The following TAFA1 variants were observed in gnomAD, a reference collection of about 807,000 sequenced individuals.
TAFA1 encodes TAFA chemokine like family member 1.
TAFA1 carries 4 observed loss-of-function variants against 18.5 expected under a neutral mutation model. That is an observed-to-expected ratio of 0.22 (90% confidence interval 0.11 to 0.49). TAFA1 has a LOEUF of 0.49. Among genes scored for constraint, TAFA1 ranks in the 20% least tolerant of loss-of-function variants. The pLI, the probability that TAFA1 is intolerant of heterozygous loss-of-function variation, is 0.98. For synonymous variants in TAFA1, 56 were observed against 55.2 expected (o/e 1.01, Z -0.06); for missense variants, 147 against 169.0 (o/e 0.87, Z 0.72).
chr3:68,066,307 A>T (rs994466688), intron 2 of TAFA1, among the ~76,000 whole-genome samples: 3 of 152,200 alleles, frequency 2.0e-5, no homozygotes, highest in Non-Finnish European at 4.4e-5. Flanking sequence ...ATGAGAGCAG[A>T]TAAGTTTATC....
chr3:68,082,813 T>C (rs1315125246), intron 2 of TAFA1, among the ~76,000 whole-genome samples: 1 of 152,202 alleles, frequency 6.6e-6, no homozygotes, highest in African/African-American at 2.4e-5. Flanking sequence ...TTTGGAGGCA[T>C]CTAAAAATGT....
At chr3:68,124,062 C>T (rs1208618314) in intron 2 of TAFA1, among the ~76,000 whole-genome samples, 1 of 151,974 alleles carries the variant, frequency 6.6e-6, no homozygotes, top group African/African-American at 2.4e-5. Context: ...ATTTTTGAAG[C>T]GTTTGCTGAT....
intron 3 of TAFA1, among the ~76,000 whole-genome samples, chr3:68,502,656 C>G (rs1012511528): frequency 1.3e-5 from 2 of 151,888 alleles, no homozygotes; most frequent in Non-Finnish European, 2.9e-5. Flanking sequence ...CCCCCTGATT[C>G]TCCCCAGCCC....
intron 2 of TAFA1, among the ~76,000 whole-genome samples, chr3:68,328,678 CTGAG>C (rs1404921493): frequency 1.3e-5 from 2 of 152,104 alleles, no homozygotes; most frequent in Non-Finnish European, 2.9e-5. Context: ...TTCTCTTTGC[CTGAG>C]TATCAACTCA....
At chr3:68,094,217 T>G (rs918263498) in intron 2 of TAFA1, among the ~76,000 whole-genome samples, 24 of 152,122 alleles carry the variant, frequency 1.6e-4, no homozygotes, top group Admixed American at 1.6e-3. Flanking sequence ...AAACTCTAAT[T>G]CCATCCATCA....
chr3:68,299,419 G>C (rs2068266699), intron 2 of TAFA1, among the ~76,000 whole-genome samples: 1 of 152,142 alleles, frequency 6.6e-6, no homozygotes, highest in East Asian at 1.9e-4. Flanking sequence ...ATGTGACTTG[G>C]GTGCTCAGTT....
intron 2 of TAFA1, among the ~76,000 whole-genome samples, chr3:68,371,545 AG>A (rs2069707039): frequency 6.6e-6 from 1 of 152,160 alleles, no homozygotes; most frequent in South Asian, 2.1e-4. Flanking sequence ...GTCTCTGCAA[AG>A]GACATGAATT....
chr3:68,423,969 C>A (rs1457415334), intron 3 of TAFA1, among the ~76,000 whole-genome samples: 1 of 151,996 alleles, frequency 6.6e-6, no homozygotes, highest in African/African-American at 2.4e-5. Flanking sequence ...TTCTTGCCGT[C>A]TTATACTGGA....
intron 2 of TAFA1, among the ~76,000 whole-genome samples, chr3:68,197,233 T>G (rs958429413): frequency 6.6e-6 from 1 of 151,804 alleles, no homozygotes; most frequent in African/African-American, 2.4e-5. Flanking sequence ...CTTTCTTTTA[T>G]TTAGAATGAT....
At chr3:68,272,375 T>C (rs968931621) in intron 2 of TAFA1, among the ~76,000 whole-genome samples, 1 of 152,140 alleles carries the variant, frequency 6.6e-6, no homozygotes, top group Non-Finnish European at 1.5e-5. Context: ...CTTCAAAGAT[T>C]TGACAAATTT....
At chr3:68,378,027 T>A (rs769912854) in intron 2 of TAFA1, among the ~76,000 whole-genome samples, 31 of 152,198 alleles carry the variant, frequency 2.0e-4, no homozygotes, top group Non-Finnish European at 4.3e-4. Flanking sequence ...AGAAGTCTGC[T>A]TCAAGGGCAG....
At chr3:68,261,679 C>T (rs1430643088) in intron 2 of TAFA1, among the ~76,000 whole-genome samples, 3 of 152,110 alleles carry the variant, frequency 2.0e-5, no homozygotes, top group Non-Finnish European at 4.4e-5. Flanking sequence ...AAAAACCAAA[C>T]ACCACATGTT....
At chr3:68,072,241 C>T (rs1265910565) in intron 2 of TAFA1, among the ~76,000 whole-genome samples, 2 of 152,120 alleles carry the variant, frequency 1.3e-5, no homozygotes, top group Admixed American at 6.6e-5. Context: ...GGCAGGTGGC[C>T]TCTGCGGCAG....
intron 2 of TAFA1, among the ~76,000 whole-genome samples, chr3:68,391,203 T>G (rs558131690): frequency 6.6e-6 from 1 of 152,230 alleles, no homozygotes; most frequent in East Asian, 1.9e-4. Flanking sequence ...GCGTGAGAAC[T>G]TTGTGAAGCA....
At chr3:68,346,579 C>T (rs1295299739) in intron 2 of TAFA1, among the ~76,000 whole-genome samples, 1 of 152,162 alleles carries the variant, frequency 6.6e-6, no homozygotes, top group African/African-American at 2.4e-5. Flanking sequence ...TGTTCTTTAA[C>T]TCATGGCCTT....
At position 68,201,565 on chromosome 3, in the gene TAFA1, T is replaced by A. The variant is rs148406590; in HGVS notation, c.118+194821T>A. On this transcript the variant is annotated intron_variant, in intron 2 of 4. Coordinates refer to ENST00000478136, the MANE Select transcript of TAFA1 (RefSeq NM_213609.4). ...CTTAATGTATTTTGATGCTCTGTTA[T>A]TAGGCACGTAGATAAAGATTATTAT... Among the ~76,000 whole-genome samples, 302 of 151,944 alleles carry A rather than the reference T, an allele frequency of 2.0e-3. 3 individuals carry two copies. The highest frequency in any genetic ancestry group is 4.7e-4 in the Non-Finnish European group (32 of 67,830).
chr3:68,301,707 T>A (rs529194381), intron 2 of TAFA1, among the ~76,000 whole-genome samples: 3 of 152,200 alleles, frequency 2.0e-5, no homozygotes, highest in South Asian at 4.2e-4. Context: ...CATAACTGAG[T>A]TAAAAACTAG....
chr3:68,497,420 A>G (rs1242232979), intron 3 of TAFA1, among the ~76,000 whole-genome samples: 1 of 152,174 alleles, frequency 6.6e-6, no homozygotes, highest in Admixed American at 6.6e-5. Flanking sequence ...TGCACATTAC[A>G]ATAATCTAAT....
intron 2 of TAFA1, among the ~76,000 whole-genome samples, chr3:68,260,484 T>C (rs1575720715): frequency 6.6e-6 from 1 of 152,300 alleles, no homozygotes; most frequent in South Asian, 2.1e-4. Context: ...CCTCTTTTTC[T>C]ATTGATTGGA....
Sources: gnomAD v4.1 joint callset for allele counts (sites outside exome capture counted in the v4.1 genomes callset) on GRCh38, gnomAD v4.1.1 for gene constraint, MANE v1.5 for transcripts, NCBI Gene and HGNC (gene_info 2026-07-23, HGNC 2026-07-21) for gene names.